Variants in PCDH15 observed in about 807,000 individuals in gnomAD.
PCDH15 encodes protocadherin related 15.
Under a neutral mutation model 178.5 loss-of-function variants are expected in PCDH15, and 129 were observed. That is an observed-to-expected ratio of 0.72 (90% CI 0.63 to 0.84). PCDH15 has a LOEUF of 0.84. PCDH15 is among the 40% of genes least tolerant of loss of function. The pLI, the probability that PCDH15 is intolerant of heterozygous loss-of-function variation, is 0.00. For synonymous variants in PCDH15, 800 were observed against 732.0 expected (o/e 1.09, Z -1.50); for missense variants, 2,230 against 2,099.9 (o/e 1.06, Z -1.21).
intron 2 of PCDH15, among the ~76,000 whole-genome samples, chr10:55,474,924 T>C (rs933762852): frequency 2.6e-5 from 4 of 152,128 alleles, no homozygotes; most frequent in Admixed American, 6.6e-5. Flanking sequence ...TCTCCAAATT[T>C]CCAAAGAGCT....
intron 2 of PCDH15, among the ~76,000 whole-genome samples, chr10:54,623,228 T>C (rs1229937415): frequency 1.3e-5 from 2 of 152,078 alleles, no homozygotes; most frequent in Non-Finnish European, 2.9e-5. Context: ...GAAGTAAAAC[T>C]CTTGTCCTAG....
At chr10:54,862,166 A>G (rs1445102665) in intron 3 of PCDH15, among the ~76,000 whole-genome samples, 1 of 152,204 alleles carries the variant, frequency 6.6e-6, no homozygotes, top group Non-Finnish European at 1.5e-5. Context: ...TTGTAGGAAT[A>G]TAAGATTTAA....
intron 1 of PCDH15, among the ~76,000 whole-genome samples, chr10:55,274,376 C>A (rs2132250352): frequency 6.6e-6 from 1 of 152,200 alleles, no homozygotes; most frequent in East Asian, 1.9e-4. Context: ...ACTCTCCCTA[C>A]ACATTTAACT....
chr10:54,765,671 T>C (rs1429625529), intron 1 of PCDH15, among the ~76,000 whole-genome samples: 4 of 152,286 alleles, frequency 2.6e-5, no homozygotes, highest in Admixed American at 1.3e-4. Flanking sequence ...GTACTTTATA[T>C]ATAACAGCCT....
intron 8 of PCDH15, among the ~76,000 whole-genome samples, chr10:54,237,362 T>C (rs1370153833): frequency 6.6e-6 from 1 of 151,946 alleles, no homozygotes; most frequent in East Asian, 1.9e-4. Flanking sequence ...ATCAATTATA[T>C]TAAAATATAA....
At chr10:54,138,384 C>T (rs4447073) in intron 14 of PCDH15, among the ~76,000 whole-genome samples, 41,328 of 151,848 alleles carry the variant, frequency 0.27, 6,728 homozygotes, top group East Asian at 0.87. Context: ...AGAAGCACCC[C>T]GACTGTTTCA....
intron 1 of PCDH15, among the ~76,000 whole-genome samples, chr10:54,779,490 A>ATATATACACACATATATGTGTG (rs1390381166): frequency 2.5e-4 from 30 of 118,562 alleles, no homozygotes; most frequent in African/African-American, 3.2e-4. Flanking sequence ...ATATATATGT[A>ATATATACACACATATATGTGTG]TATATATACA....
At chr10:53,957,931 TC>T (rs2134251344) in intron 23 of PCDH15, among the ~76,000 whole-genome samples, 1 of 152,208 alleles carries the variant, frequency 6.6e-6, no homozygotes, top group East Asian at 1.9e-4. Context: ...GGTTTACATC[TC>T]GATGATTTAC....
chr10:54,530,018 A>G (rs936943438), intron 2 of PCDH15, among the ~76,000 whole-genome samples: 2 of 152,042 alleles, frequency 1.3e-5, no homozygotes, highest in African/African-American at 4.8e-5. Context: ...ATAAATATTT[A>G]ATCAACAACT....
chr10:54,468,517 G>T (rs1188556748), intron 3 of PCDH15, among the ~76,000 whole-genome samples: 2 of 151,794 alleles, frequency 1.3e-5, no homozygotes, highest in Non-Finnish European at 2.9e-5. Context: ...GAAGATACTT[G>T]GTATATTTTG....
intron 2 of PCDH15, among the ~76,000 whole-genome samples, chr10:55,538,955 CT>C (rs777075607): frequency 0.26 from 2,215 of 8,596 alleles, 556 homozygotes; most frequent in Non-Finnish European, 0.32. Flanking sequence ...CCCTTCCTTC[CT>C]TTCCTTCCTT....
At chr10:53,888,392 G>T (rs1176947114) in intron 26 of PCDH15, among the ~76,000 whole-genome samples, 11 of 123,152 alleles carry the variant, frequency 8.9e-5, no homozygotes, top group African/African-American at 3.2e-5. Context: ...AGTTGTTTGG[G>T]GTTTCTTAAT....
chr10:53,902,141 C>G (rs2082374019), intron 26 of PCDH15, among the ~76,000 whole-genome samples: 1 of 152,056 alleles, frequency 6.6e-6, no homozygotes, highest in Non-Finnish European at 1.5e-5. Flanking sequence ...ACAAAGGATT[C>G]CTACTTGTGG....
intron 23 of PCDH15, among the ~76,000 whole-genome samples, chr10:53,943,565 T>C (rs771280885): frequency 6.6e-6 from 1 of 152,014 alleles, no homozygotes; most frequent in African/African-American, 2.4e-5. Flanking sequence ...AATGCACGTG[T>C]ACATTTTTGC....
chr10:54,130,588 T>C (rs2042354282), intron 15 of PCDH15, among the ~76,000 whole-genome samples: 1 of 152,162 alleles, frequency 6.6e-6, no homozygotes, highest in African/African-American at 2.4e-5. Context: ...AAACAACTTT[T>C]GGATACCATA....
At chr10:55,048,803 C>T (rs577882030) in intron 2 of PCDH15, among the ~76,000 whole-genome samples, 2 of 151,828 alleles carry the variant, frequency 1.3e-5, no homozygotes, top group East Asian at 1.9e-4. Context: ...CAGTTTTTGG[C>T]ACAGCTTAAT....
At chr10:54,095,794 T>G (rs1379136518) in intron 15 of PCDH15, among the ~76,000 whole-genome samples, 1 of 152,156 alleles carries the variant, frequency 6.6e-6, no homozygotes, top group Non-Finnish European at 1.5e-5. Flanking sequence ...GGATACTCTA[T>G]GAAGGCTTAG....
chr10:55,408,799 C>A (rs1838265977), intron 2 of PCDH15, among the ~76,000 whole-genome samples: 1 of 152,036 alleles, frequency 6.6e-6, no homozygotes, highest in African/African-American at 2.4e-5. Flanking sequence ...GATCAGACTT[C>A]CTTGCTATCA....
intron 2 of PCDH15, among the ~76,000 whole-genome samples, chr10:55,069,000 C>A (rs888538945): frequency 3.3e-5 from 5 of 151,776 alleles, no homozygotes; most frequent in African/African-American, 1.2e-4. Context: ...TGGGTTCAAG[C>A]GATTCTTGTG....
Sources: allele counts gnomAD v4.1 joint callset (sites outside exome capture counted in the v4.1 genomes callset), GRCh38; gene constraint gnomAD v4.1.1; transcripts MANE v1.5; gene names NCBI Gene and HGNC (gene_info 2026-07-23, HGNC 2026-07-21).